Variants in ZBTB10 observed in about 807,000 individuals in gnomAD.
ZBTB10 encodes the protein zinc finger and BTB domain-containing protein 10.
Under a neutral mutation model 76.4 loss-of-function variants are expected in ZBTB10, and 32 were observed. The ratio of observed to expected loss-of-function variants is 0.42; its 90% CI spans 0.32 to 0.56. The LOEUF (loss-of-function observed/expected upper bound fraction) is 0.56. Ranked by LOEUF, ZBTB10 falls within the 20% of genes least tolerant of loss-of-function variation. The pLI is 0.14. For synonymous variants in ZBTB10, 523 were observed against 432.9 expected (o/e 1.21, Z -2.58); for missense variants, 1,057 against 1,098.5 (o/e 0.96, Z 0.53).
upstream of ZBTB10, chr8:80,485,686 G>T: frequency 1.8e-6 from 2 of 1,135,796 alleles, no homozygotes; most frequent in Non-Finnish European, 2.5e-6. Context: ...TGTGTCCGTG[G>T]TCGTAACCTC....
intron 2 of ZBTB10, among the ~76,000 whole-genome samples, chr8:80,502,782 CTCA>C (rs1438438043): frequency 6.6e-6 from 1 of 151,830 alleles, no homozygotes; most frequent in East Asian, 1.9e-4. Context: ...TAAAAGTCAG[CTCA>C]TCAACTCTGC....
At chr8:80,516,666 A>C (rs1816332726) in intron 3 of ZBTB10, among the ~76,000 whole-genome samples, 1 of 152,232 alleles carries the variant, frequency 6.6e-6, no homozygotes, top group Non-Finnish European at 1.5e-5. Flanking sequence ...TCTTTACATC[A>C]AAAACCGGTG....
In ZBTB10 at chr8:80,525,067, T is replaced by C. The variant is rs1816532732; in HGVS notation, c.*5539T>C. The C allele has an allele frequency of 6.6e-6, 1 of 152,066 alleles. No individual in the cohort carries two copies. Among genetic ancestry groups the C allele is most frequent in the South Asian group, 2.1e-4 (1 of 4,822 alleles). The allele number at this position is 152,066 out of a possible 1,614,324, so 9.4% of individuals were successfully genotyped here. On this transcript the variant is annotated 3_prime_UTR_variant, in exon 6 of 6. Transcript: ENST00000455036. ...TGTTTTGACACTAAAAAGGACATAA[T>C]TTAGGAAATTAAGAATTTAGACACC...
Position 80,525,646 on chromosome 8 carries a change from T to G in ZBTB10, c.*6118T>G, listed in dbSNP as rs1816547110. On this transcript the variant is annotated 3_prime_UTR_variant, in exon 6 of 6. Coordinates refer to ENST00000455036, the MANE Select transcript of ZBTB10 (RefSeq NM_001105539.3). ...GTTGCTACAGTGACTCCAGTCAGTT[T>G]TAGGACCCAGGACTCCTGAACTTCA... 6.6e-6 allele frequency: 1 copy of G among 152,152 alleles called. No homozygotes were observed. Among genetic ancestry groups the G allele is most frequent in the African/African-American group, 2.4e-5 (1 of 41,446 alleles). 9.4% of individuals were successfully genotyped at this position (152,152 alleles called of 1,614,324 possible).
In ZBTB10 at chr8:80,486,350, C is replaced by T; in HGVS notation, c.-461C>T. ...CTCTCACCCTCAGCGCCTGCGAAGC[C>T]GGCGGCGGCGTCGGGACTCCTCGGC... On this transcript the variant is annotated 5_prime_UTR_variant, in exon 1 of 6. Coordinates refer to ENST00000455036, the MANE Select transcript of ZBTB10 (RefSeq NM_001105539.3). 2.0e-6 allele frequency: 2 copies of T among 989,496 alleles called. No individual in the cohort carries two copies. Among genetic ancestry groups the T allele is most frequent in the Non-Finnish European group, 2.4e-6 (2 of 833,016 alleles). 61.3% of individuals were successfully genotyped at this position (989,496 alleles called of 1,614,324 possible).
intron 1 of ZBTB10, among the ~76,000 whole-genome samples, chr8:80,496,704 T>C (rs1017907578): frequency 1.3e-5 from 2 of 152,214 alleles, no homozygotes; most frequent in Non-Finnish European, 2.9e-5. Context: ...TAGCGTGTTA[T>C]GACTGCTACA....
At chr8:80,504,415 G>A (rs1478831384) in intron 2 of ZBTB10, among the ~76,000 whole-genome samples, 1 of 152,194 alleles carries the variant, frequency 6.6e-6, no homozygotes, top group African/African-American at 2.4e-5. Context: ...ACGCTGTCTT[G>A]TATAATGTTG....
chr8:80,518,310 C>A, intron 3 of ZBTB10, 93 bp from the exon 4 acceptor site: 3 of 1,190,602 alleles, frequency 2.5e-6, no homozygotes, highest in Non-Finnish European at 1.1e-6. Flanking sequence ...TATCATAATG[C>A]CTGTAGGATA....
At chr8:80,501,670 G>A (rs1815926620) in intron 2 of ZBTB10, among the ~76,000 whole-genome samples, 1 of 151,996 alleles carries the variant, frequency 6.6e-6, no homozygotes, top group Non-Finnish European at 1.5e-5. Context: ...GGAATTTTGT[G>A]TATGTATGTG....
At chr8:80,496,698 G>A (rs1230822113) in intron 1 of ZBTB10, among the ~76,000 whole-genome samples, 1 of 152,132 alleles carries the variant, frequency 6.6e-6, no homozygotes, top group Non-Finnish European at 1.5e-5. Context: ...TGACCATAGC[G>A]TGTTATGACT....
In ZBTB10 at chr8:80,500,269, G is replaced by T. The variant is rs1449922448; in HGVS notation, c.1748G>T (p.Arg583Ile). Reference protein sequence around the residue: ...KTRRKNQTTKRFIYNIPPNNE... With the variant: ...KTRRKNQTTKIFIYNIPPNNE... ...AGGAGGAAAAACCAAACTACAAAAA[G>T]ATTTATTTATAATATTCCACCTAAT... Residue 583 changes from arginine to isoleucine, a missense_variant, in exon 2 of 6, where the codon AGA (arginine) becomes ATA (isoleucine). By Grantham distance (97) the Arg-to-Ile change is moderately conservative. Coordinates refer to ENST00000455036, the MANE Select transcript of ZBTB10 (RefSeq NM_001105539.3). The T allele has an allele frequency of 3.2e-6, 5 of 1,577,034 alleles. No individual in the cohort carries two copies. The highest frequency in any genetic ancestry group is 2.3e-5 in the East Asian group (1 of 42,718).
chr8:80,512,864 T>C (rs991135357), intron 2 of ZBTB10, among the ~76,000 whole-genome samples: 1 of 152,102 alleles, frequency 6.6e-6, no homozygotes, highest in African/African-American at 2.4e-5. Flanking sequence ...ACCACTCTTA[T>C]TTTTTCTGCT....
chr8:80,515,895 A>G (rs1313213493), intron 3 of ZBTB10, among the ~76,000 whole-genome samples: 4 of 152,220 alleles, frequency 2.6e-5, no homozygotes, highest in African/African-American at 9.6e-5. Flanking sequence ...CAATGACAGT[A>G]CCTTTATTTA....
intron 1 of ZBTB10, among the ~76,000 whole-genome samples, chr8:80,489,686 C>G (rs1007032637): frequency 1.3e-5 from 2 of 152,192 alleles, no homozygotes; most frequent in Non-Finnish European, 2.9e-5. Flanking sequence ...AAAAACCTTT[C>G]TAAACTTGAC....
chr8:80,510,677 TG>T (rs1304024120), intron 2 of ZBTB10, among the ~76,000 whole-genome samples: 1 of 150,758 alleles, frequency 6.6e-6, no homozygotes, highest in Non-Finnish European at 1.5e-5. Context: ...TGTGTGTGTG[TG>T]TTTTAGACAA....
intron 1 of ZBTB10, among the ~76,000 whole-genome samples, chr8:80,489,360 C>T (rs745929170): frequency 7.9e-5 from 12 of 152,122 alleles, no homozygotes; most frequent in Non-Finnish European, 1.6e-4. Flanking sequence ...AAGTAACATT[C>T]CTGAAGTTAT....
Position 80,487,548 on chromosome 8 carries a change from C to G in ZBTB10, c.738C>G (p.Leu246=), listed in dbSNP as rs769153938. The G allele has an allele frequency of 1.9e-6, 3 of 1,600,022 alleles. No individual in the cohort carries two copies. The highest frequency in any genetic ancestry group is 1.1e-5 in the South Asian group (1 of 89,096). ...LARPKSLMQK[L]QCSFQTSWLK... is the part of the protein sequence containing the mutation. The stretch of plus-strand genomic sequence containing the variant: ...GGCCCAAGTCTCTAATGCAGAAGCT[C>G]CAATGCTCCTTCCAGACCTCCTGGC... The change falls in exon 1 of 6, where the codon CTC becomes CTG. Residue 246 remains leucine, a synonymous_variant. Transcript: ENST00000455036.
intron 2 of ZBTB10, among the ~76,000 whole-genome samples, chr8:80,505,915 ATTTTT>A (rs58176444): frequency 7.9e-4 from 104 of 131,936 alleles, no homozygotes; most frequent in African/African-American, 1.4e-3. Context: ...TGCCTGGCTA[ATTTTT>A]TTTTTTTTTT....
rs1047599729 is a variant in ZBTB10, at chr8:80,520,739, G to T, written c.*1211G>T. On this transcript the variant is annotated 3_prime_UTR_variant, in exon 6 of 6. Transcript: ENST00000455036. ...TTCTAGTAGTCACCATGATTCAACAGTCTCAAAAATCTTACAAATAAAATT... is the reference window on the plus strand; with the variant it reads ...TTCTAGTAGTCACCATGATTCAACATTCTCAAAAATCTTACAAATAAAATT... 2.0e-5 allele frequency: 3 copies of T among 151,682 alleles called. No homozygotes were observed. The highest frequency in any genetic ancestry group is 7.3e-5 in the African/African-American group (3 of 41,270). The allele number at this position is 151,682 out of a possible 1,614,324, so 9.4% of individuals were successfully genotyped here.
Sources: gnomAD v4.1 joint callset for allele counts (sites outside exome capture counted in the v4.1 genomes callset) on GRCh38, gnomAD v4.1.1 for gene constraint, MANE v1.5 for transcripts, NCBI Gene and HGNC (gene_info 2026-07-23, HGNC 2026-07-21) for gene names.